RNF17: variants seen among roughly 807,000 people sequenced by gnomAD.
RNF17 encodes ring finger protein 17.
A neutral mutation model predicts 200.5 loss-of-function variants in RNF17; 31 were observed. The ratio of observed to expected loss-of-function variants is 0.15; its 90% CI spans 0.12 to 0.21. The LOEUF is 0.21. Ranked by LOEUF, RNF17 falls within the 10% of genes least tolerant of loss-of-function variation. The pLI, the probability that RNF17 is intolerant of heterozygous loss-of-function variation, is 1.00. For missense variants in RNF17, 1,628 were observed against 1,905.1 expected, an observed-to-expected ratio of 0.85 and a Z score of 2.71; for synonymous variants, 606 against 637.8, an observed-to-expected ratio of 0.95 and a Z score of 0.75.
At chr13:24,783,578 C>A (rs1190142554) in intron 6 of RNF17, among the ~76,000 whole-genome samples, 1 of 151,966 alleles carries the variant, frequency 6.6e-6, no homozygotes, top group Non-Finnish European at 1.5e-5. Context: ...ATATACAAGT[C>A]TTTCACCTCC....
chr13:24,883,903 G>C (rs1953934656), downstream of RNF17: 1 of 1,609,102 alleles, frequency 6.2e-7, no homozygotes, highest in Non-Finnish European at 8.5e-7. Flanking sequence ...GGCACCTTCT[G>C]AGCACAGATG....
intron 3 of RNF17, among the ~76,000 whole-genome samples, chr13:24,776,155 C>T (rs1345544782): frequency 6.6e-6 from 1 of 152,184 alleles, no homozygotes; most frequent in Non-Finnish European, 1.5e-5. Context: ...CTATTACATT[C>T]ATTTTACCTC....
intron 2 of RNF17, among the ~76,000 whole-genome samples, chr13:24,767,770 A>G (rs1465914631): frequency 6.6e-6 from 1 of 152,042 alleles, no homozygotes; most frequent in Non-Finnish European, 1.5e-5. Context: ...AAACCCTAAA[A>G]TCTTGCATTT....
At chr13:24,762,997 T>G (rs192393441), upstream of RNF17, among the ~76,000 whole-genome samples, 11 of 152,292 alleles carry the variant, frequency 7.2e-5, no homozygotes, top group Admixed American at 7.2e-4. Flanking sequence ...TCCATCTACC[T>G]TCCCTCACAT....
At chr13:24,870,056 C>T (rs1270944598) in intron 31 of RNF17, among the ~76,000 whole-genome samples, 3 of 151,694 alleles carry the variant, frequency 2.0e-5, no homozygotes, top group Admixed American at 2.0e-4. Context: ...ATTCTCCCAC[C>T]TCAGCCTCCA....
intron 33 of RNF17, among the ~76,000 whole-genome samples, chr13:24,875,492 A>C (rs1024298175): frequency 6.6e-6 from 1 of 152,190 alleles, no homozygotes; most frequent in African/African-American, 2.4e-5. Context: ...CCACCACCAA[A>C]GACATTTCAG....
At chr13:24,887,745 A>G in the RNF17 span, among the ~76,000 whole-genome samples, 1 of 152,206 alleles carries the variant, frequency 6.6e-6, no homozygotes, top group Non-Finnish European at 1.5e-5. Flanking sequence ...CCCTTACCCC[A>G]GTCCATGGAA....
the RNF17 span, among the ~76,000 whole-genome samples, chr13:24,754,587 T>C: frequency 6.6e-6 from 1 of 152,180 alleles, no homozygotes; most frequent in African/African-American, 2.4e-5. Context: ...TACCCACGAA[T>C]GTATTATTCA....
At position 24,781,953 on chromosome 13, in the gene RNF17, C is replaced by G. The variant is rs1882433730; in HGVS notation, c.611+9C>G. The G allele has an allele frequency of 1.3e-6, 2 of 1,534,922 alleles. No individual in the cohort carries two copies. Among genetic ancestry groups the G allele is most frequent in the African/African-American group, 2.7e-5 (2 of 72,826 alleles). ...GCTTTTTTTGATTCCAGGTTAGTAA[C>G]TTAAAAATATGGACTCAATGAAACT... On this transcript the variant is annotated intron_variant, in intron 6 of 35. Coordinates refer to ENST00000255324, the MANE Select transcript of RNF17 (RefSeq NM_031277.3).
At chr13:24,774,711 A>G in intron 2 of RNF17, 102 bp from the exon 3 acceptor site, 2 of 588,718 alleles carry the variant, frequency 3.4e-6, no homozygotes, top group South Asian at 3.2e-5. Context: ...CTTTAAGGTT[A>G]TCATTAACTT....
chr13:24,757,199 A>G, the RNF17 span, among the ~76,000 whole-genome samples: 1 of 29,814 alleles, frequency 3.4e-5, no homozygotes, highest in Non-Finnish European at 9.4e-5. Context: ...AAAGAGATAC[A>G]GAACAGTCCT....
At position 24,842,003 on chromosome 13, in the gene RNF17, C is replaced by T. The variant is rs748035957; in HGVS notation, c.2483-38C>T. On this transcript the variant is annotated intron_variant, in intron 18 of 35. Transcript: ENST00000255324. ...TTGCCTCATTTACTATATTTTGTGA[C>T]ATATTTCTTTCCCCAAACTTTCTTA... 6 of 1,567,022 alleles carry T rather than the reference C, an allele frequency of 3.8e-6. No homozygotes were observed. The Admixed American group carries it at 7.7e-5, about 20-fold the overall frequency.
At chr13:24,844,603 AATT>A (rs765119720) in intron 20 of RNF17, 46 bp from the exon 21 acceptor site, 65 of 1,410,634 alleles carry the variant, frequency 4.6e-5, no homozygotes, top group Non-Finnish European at 5.9e-5. Context: ...GTAGCCAGAG[AATT>A]ATATAAGAAA....
chr13:24,765,803 T>C (rs1879597923), intron 1 of RNF17, among the ~76,000 whole-genome samples: 1 of 152,236 alleles, frequency 6.6e-6, no homozygotes, highest in South Asian at 2.1e-4. Flanking sequence ...AATTTTATAA[T>C]AGTTAAGTGT....
chr13:24,782,058 G>A (rs1457635331), intron 6 of RNF17, 114 bp downstream of exon 6: 4 of 713,386 alleles, frequency 5.6e-6, no homozygotes, highest in Admixed American at 2.7e-5. Flanking sequence ...TTTGTAATGG[G>A]TAACTTTCAA....
At chr13:24,791,190 G>C (rs1267500790) in intron 9 of RNF17, among the ~76,000 whole-genome samples, 1 of 152,170 alleles carries the variant, frequency 6.6e-6, no homozygotes, top group Non-Finnish European at 1.5e-5. Flanking sequence ...GACAGTGAAG[G>C]CTGAAGGATC....
At chr13:24,864,162 G>A (rs1433173728) in intron 28 of RNF17, among the ~76,000 whole-genome samples, 1 of 152,198 alleles carries the variant, frequency 6.6e-6, no homozygotes, top group African/African-American at 2.4e-5. Flanking sequence ...ACCTTAAAAT[G>A]GTTAGAGGAC....
downstream of RNF17, among the ~76,000 whole-genome samples, chr13:24,881,275 G>A (rs1221282146): frequency 6.6e-6 from 1 of 151,800 alleles, no homozygotes; most frequent in East Asian, 1.9e-4. Flanking sequence ...CAAGTAGCTG[G>A]GATTACAGGC....
Position 24,859,853 on chromosome 13 carries a change from C to T in RNF17, c.3774+689C>T, listed in dbSNP as rs185902592. Among the ~76,000 whole-genome samples, 4 of 151,998 alleles carry T rather than the reference C, an allele frequency of 2.6e-5. No homozygotes were observed. The East Asian group carries it at 7.7e-4, about 29-fold the overall frequency. ...TTTTTTAGCTTCCTTCACATATATG[C>T]ATTTATATTTTATAGTTTGTTTACA... On this transcript the variant is annotated intron_variant, in intron 26 of 35. Coordinates refer to ENST00000255324, the MANE Select transcript of RNF17 (RefSeq NM_031277.3).
Sources: gnomAD v4.1 joint callset for allele counts (sites outside exome capture counted in the v4.1 genomes callset) on GRCh38, gnomAD v4.1.1 for gene constraint, MANE v1.5 for transcripts, NCBI Gene and HGNC (gene_info 2026-07-23, HGNC 2026-07-21) for gene names.